PCBD2: variants seen among roughly 807,000 people sequenced by gnomAD.
PCBD2 encodes pterin-4 alpha-carbinolamine dehydratase 2, also known as pterin-4-alpha-carbinolamine dehydratase 2.
In PCBD2, 12 loss-of-function variants were observed where a neutral mutation model predicts 16.4. The ratio of observed to expected loss-of-function variants is 0.73; its 90% CI spans 0.47 to 1.19. The LOEUF (loss-of-function observed/expected upper bound fraction) is 1.19. Among genes scored for constraint, PCBD2 ranks in the 50% most tolerant of loss-of-function variants. PCBD2 has a pLI of 0.00. For missense variants in PCBD2, 138 were observed against 156.8 expected, an observed-to-expected ratio of 0.88 and a Z score of 0.64; for synonymous variants, 58 against 61.8, an observed-to-expected ratio of 0.94 and a Z score of 0.29.
At chr5:134,946,625 C>T (rs1751298514) in intron 2 of PCBD2, among the ~76,000 whole-genome samples, 1 of 152,148 alleles carries the variant, frequency 6.6e-6, no homozygotes, top group South Asian at 2.1e-4. Flanking sequence ...TGCTTTAGAA[C>T]ATCAGATATT....
intron 2 of PCBD2, among the ~76,000 whole-genome samples, chr5:134,916,213 C>A (rs1157462712): frequency 6.6e-6 from 1 of 152,040 alleles, no homozygotes; most frequent in Non-Finnish European, 1.5e-5. Context: ...TCATTTGAAC[C>A]CAGGAGGTAG....
chr5:134,921,179 A>G (rs1215336143), intron 2 of PCBD2, among the ~76,000 whole-genome samples: 1 of 152,232 alleles, frequency 6.6e-6, no homozygotes, highest in Admixed American at 6.5e-5. Flanking sequence ...AAGAGGTGGA[A>G]GGAGGAAGAT....
intron 2 of PCBD2, among the ~76,000 whole-genome samples, chr5:134,936,596 T>G (rs994916763): frequency 8.5e-5 from 13 of 152,370 alleles, no homozygotes; most frequent in African/African-American, 2.9e-4. Flanking sequence ...ATAACTTGTT[T>G]TGCTGACCAT....
At chr5:134,920,757 G>A (rs1456549025) in intron 2 of PCBD2, among the ~76,000 whole-genome samples, 2 of 151,842 alleles carry the variant, frequency 1.3e-5, no homozygotes, top group Non-Finnish European at 2.9e-5. Flanking sequence ...CTAGGTTCAA[G>A]CGATTCTCCC....
At chr5:134,936,018 TGTG>T (rs1361003183) in intron 2 of PCBD2, among the ~76,000 whole-genome samples, 4 of 152,312 alleles carry the variant, frequency 2.6e-5, no homozygotes, top group African/African-American at 9.6e-5. Context: ...CTGAAAATGT[TGTG>T]GTGATAGAAA....
chr5:134,927,448 G>A (rs1188597404), intron 2 of PCBD2: 2 of 398,194 alleles, frequency 5.0e-6, no homozygotes, highest in East Asian at 7.1e-5. Flanking sequence ...GTGTACGCTA[G>A]CCATATTAAG....
intron 2 of PCBD2, among the ~76,000 whole-genome samples, chr5:134,955,949 G>C (rs535355749): frequency 6.6e-6 from 1 of 152,134 alleles, no homozygotes; most frequent in Non-Finnish European, 1.5e-5. Context: ...TCAAACTTTC[G>C]TTTGAGTTTT....
At chr5:134,929,821 A>G (rs1751070606) in intron 2 of PCBD2, among the ~76,000 whole-genome samples, 2 of 152,134 alleles carry the variant, frequency 1.3e-5, no homozygotes, top group Admixed American at 6.5e-5. Context: ...CCTCCCAAGT[A>G]GCTTGGACTA....
chr5:134,919,323 C>CT (rs911416621), intron 2 of PCBD2, among the ~76,000 whole-genome samples: 4 of 151,872 alleles, frequency 2.6e-5, no homozygotes, highest in Non-Finnish European at 4.4e-5. Flanking sequence ...GCATTCATTG[C>CT]TTTTTTTTAT....
intron 2 of PCBD2, among the ~76,000 whole-genome samples, chr5:134,938,775 T>G (rs1175491302): frequency 6.6e-6 from 1 of 152,204 alleles, no homozygotes. Context: ...TACCAGGTTT[T>G]AAAATATTGC....
At chr5:134,953,264 T>A (rs1751378819) in intron 2 of PCBD2, among the ~76,000 whole-genome samples, 1 of 151,524 alleles carries the variant, frequency 6.6e-6, no homozygotes, top group Non-Finnish European at 1.5e-5. Context: ...ATTTTAATTA[T>A]GTTTTTCTTT....
At chr5:134,926,458 A>G in intron 2 of PCBD2, 1 of 394,224 alleles carries the variant, frequency 2.5e-6, no homozygotes, top group Non-Finnish European at 4.5e-6. Context: ...GTACATGGTT[A>G]TTACTTTTAT....
chr5:134,907,112 CCAGGT>C (rs1750701987), intron 1 of PCBD2, among the ~76,000 whole-genome samples: 1 of 152,234 alleles, frequency 6.6e-6, no homozygotes, highest in East Asian at 1.9e-4. Context: ...TCTACAGACT[CCAGGT>C]TCCTGCCTTA....
chr5:134,924,355 A>G (rs1750956096), intron 2 of PCBD2: 1 of 396,124 alleles, frequency 2.5e-6, no homozygotes, highest in Non-Finnish European at 4.5e-6. Flanking sequence ...ATTGAGGAGT[A>G]TCCTGAGGCA....
chr5:134,953,836 A>G (rs1205702826), intron 2 of PCBD2, among the ~76,000 whole-genome samples: 2 of 152,098 alleles, frequency 1.3e-5, no homozygotes, highest in African/African-American at 4.8e-5. Context: ...ATAGTCTTCT[A>G]TTTCTTTATA....
chr5:134,950,880 T>C (rs1234184720), intron 2 of PCBD2, among the ~76,000 whole-genome samples: 1 of 152,210 alleles, frequency 6.6e-6, no homozygotes, highest in Non-Finnish European at 1.5e-5. Flanking sequence ...ACATGGCTCA[T>C]AGACAAACTA....
intron 2 of PCBD2, among the ~76,000 whole-genome samples, chr5:134,910,787 T>G (rs59773283): frequency 0.019 from 2,896 of 152,262 alleles, 81 homozygotes; most frequent in African/African-American, 0.06. Context: ...TGTAAGCCTT[T>G]TATTATTGAT....
intron 2 of PCBD2, among the ~76,000 whole-genome samples, chr5:134,939,428 GC>G (rs2149537041): frequency 6.6e-6 from 1 of 152,086 alleles, no homozygotes; most frequent in African/African-American, 2.4e-5. Context: ...CATCTGCTGG[GC>G]CATAGGAGGA....
At chr5:134,912,280 TA>T (rs2149530309) in intron 2 of PCBD2, among the ~76,000 whole-genome samples, 1 of 152,320 alleles carries the variant, frequency 6.6e-6, no homozygotes. Context: ...GTTTTCCCAC[TA>T]GGCTCCTATG....
Sources: allele counts gnomAD v4.1 joint callset (sites outside exome capture counted in the v4.1 genomes callset), GRCh38; gene constraint gnomAD v4.1.1; transcripts MANE v1.5; gene names NCBI Gene and HGNC (gene_info 2026-07-23, HGNC 2026-07-21).